PTPRD: variants seen among roughly 807,000 people sequenced by gnomAD.
PTPRD encodes the protein receptor-type tyrosine-protein phosphatase delta.
A neutral mutation model predicts 214.5 loss-of-function variants in PTPRD; 34 were observed. That is an observed-to-expected ratio of 0.16 (90% CI 0.12 to 0.21). The LOEUF is 0.21. Among genes scored for constraint, PTPRD ranks in the 10% least tolerant of loss-of-function variants. The pLI is 1.00. For synonymous variants in PTPRD, 1,128 were observed against 845.7 expected, an observed-to-expected ratio of 1.33 and a Z score of -5.79; for missense variants, 2,545 against 2,398.7, an observed-to-expected ratio of 1.06 and a Z score of -1.27.
chr9:8,387,709 T>C (rs1273688971), intron 37 of PTPRD, among the ~76,000 whole-genome samples: 1 of 152,190 alleles, frequency 6.6e-6, no homozygotes, highest in African/African-American at 2.4e-5. Context: ...TGAATGACCT[T>C]GGGCAAAGCT....
chr9:9,698,613 C>A (rs1564614607), intron 7 of PTPRD, among the ~76,000 whole-genome samples: 1 of 152,150 alleles, frequency 6.6e-6, no homozygotes. Context: ...TGCCACCCTC[C>A]CCACTCCAGT....
chr9:9,835,663 G>A (rs564823100), intron 5 of PTPRD, among the ~76,000 whole-genome samples: 1 of 152,186 alleles, frequency 6.6e-6, no homozygotes, highest in East Asian at 1.9e-4. Context: ...CCTAATGACA[G>A]GACAGAAGAT....
At chr9:8,471,360 T>C (rs1335723805) in intron 30 of PTPRD, among the ~76,000 whole-genome samples, 3 of 152,066 alleles carry the variant, frequency 2.0e-5, no homozygotes, top group Non-Finnish European at 4.4e-5. Flanking sequence ...AGGCATAGTT[T>C]GTTAGGGCCC....
intron 8 of PTPRD, among the ~76,000 whole-genome samples, chr9:9,428,892 A>G (rs2082034394): frequency 6.6e-6 from 1 of 152,244 alleles, no homozygotes; most frequent in South Asian, 2.1e-4. Context: ...TCTCTGGGAC[A>G]CATTTAAAGC....
At chr9:9,357,668 A>G (rs771336023) in intron 9 of PTPRD, among the ~76,000 whole-genome samples, 6 of 151,114 alleles carry the variant, frequency 4.0e-5, no homozygotes, top group African/African-American at 1.5e-4. Flanking sequence ...AGGTACCACA[A>G]TAAAATTATT....
intron 2 of PTPRD, among the ~76,000 whole-genome samples, chr9:10,523,616 T>TAGAGAGAGAGAGAGAGAG (rs1273686911): frequency 0.018 from 1,838 of 100,624 alleles, 83 homozygotes; most frequent in Admixed American, 0.041. Flanking sequence ...TATATATATA[T>TAGAGAGAGAGAGAGAGAG]ATATATAGAC....
At chr9:10,471,450 TTTAA>T (rs1475425183) in intron 2 of PTPRD, among the ~76,000 whole-genome samples, 8 of 152,124 alleles carry the variant, frequency 5.3e-5, no homozygotes, top group Non-Finnish European at 1.0e-4. Context: ...GACTCTGTAG[TTTAA>T]TTGTTTAGAG....
chr9:9,145,313 C>A (rs1397892521), intron 10 of PTPRD, among the ~76,000 whole-genome samples: 6 of 152,124 alleles, frequency 3.9e-5, no homozygotes, highest in African/African-American at 1.4e-4. Flanking sequence ...ATCAGTATTT[C>A]ATAGCAGGTT....
chr9:9,081,829 T>G (rs1256796954), intron 10 of PTPRD, among the ~76,000 whole-genome samples: 1 of 151,998 alleles, frequency 6.6e-6, no homozygotes. Flanking sequence ...CCTGCTTTTT[T>G]TTTTTTTTGC....
chr9:8,756,494 A>G (rs1308970452), intron 11 of PTPRD, among the ~76,000 whole-genome samples: 2 of 152,240 alleles, frequency 1.3e-5, no homozygotes, highest in Admixed American at 1.3e-4. Flanking sequence ...CTCACAGATC[A>G]AAGGAGACTG....
chr9:8,932,095 T>A (rs62529114), intron 11 of PTPRD, among the ~76,000 whole-genome samples: 1 of 152,262 alleles, frequency 6.6e-6, no homozygotes, highest in African/African-American at 2.4e-5. Flanking sequence ...TTTGTTAATC[T>A]TTTCAGAAAA....
intron 3 of PTPRD, among the ~76,000 whole-genome samples, chr9:10,193,442 G>T (rs1298687078): frequency 1.3e-5 from 2 of 152,008 alleles, no homozygotes; most frequent in African/African-American, 2.4e-5. Flanking sequence ...CCCATGAGAG[G>T]TCGAGAGTTA....
At chr9:10,502,017 C>T (rs1005539884) in intron 2 of PTPRD, among the ~76,000 whole-genome samples, 2 of 151,628 alleles carry the variant, frequency 1.3e-5, no homozygotes, top group South Asian at 2.1e-4. Flanking sequence ...AGAACCACTG[C>T]TATATAGAAA....
intron 3 of PTPRD, among the ~76,000 whole-genome samples, chr9:10,090,919 T>TATACACAC (rs1491584309): frequency 1.0e-5 from 1 of 99,590 alleles, no homozygotes; most frequent in African/African-American, 3.7e-5. Flanking sequence ...AAATGAAATA[T>TATACACAC]ACACACACAC....
intron 9 of PTPRD, among the ~76,000 whole-genome samples, chr9:9,272,412 A>G (rs1010198635): frequency 2.6e-5 from 4 of 151,300 alleles, no homozygotes; most frequent in African/African-American, 9.7e-5. Flanking sequence ...TTTAACTACA[A>G]GCAGTACTGT....
At chr9:10,342,072 T>G (rs984304926) in intron 2 of PTPRD, among the ~76,000 whole-genome samples, 1 of 152,072 alleles carries the variant, frequency 6.6e-6, no homozygotes, top group Non-Finnish European at 1.5e-5. Context: ...GGGATAGCAC[T>G]TGATTGCTTG....
At chr9:10,154,034 T>C (rs2099078472) in intron 3 of PTPRD, among the ~76,000 whole-genome samples, 1 of 151,286 alleles carries the variant, frequency 6.6e-6, no homozygotes, top group Admixed American at 6.6e-5. Context: ...GGTAGTTCTG[T>C]TTTGAGAAAT....
At chr9:9,821,608 T>C (rs1239671026) in intron 5 of PTPRD, among the ~76,000 whole-genome samples, 1 of 152,176 alleles carries the variant, frequency 6.6e-6, no homozygotes, top group African/African-American at 2.4e-5. Flanking sequence ...TCTTGTAATG[T>C]GTTTTCTTCC....
At chr9:9,384,821 T>C (rs985731093) in intron 9 of PTPRD, among the ~76,000 whole-genome samples, 5 of 152,062 alleles carry the variant, frequency 3.3e-5, no homozygotes, top group Admixed American at 3.3e-4. Flanking sequence ...TTCTATTTGG[T>C]GACTGTTGCA....
Sources: allele counts gnomAD v4.1 joint callset (sites outside exome capture counted in the v4.1 genomes callset), GRCh38; gene constraint gnomAD v4.1.1; transcripts MANE v1.5; gene names NCBI Gene and HGNC (gene_info 2026-07-23, HGNC 2026-07-21).